Variants in FBXO42 observed in about 807,000 individuals in gnomAD.
FBXO42 encodes F-box protein 42.
In FBXO42, 12 loss-of-function variants were observed where a neutral mutation model predicts 71.7. The observed-to-expected ratio is 0.17, with a 90% CI of 0.11 to 0.27. The LOEUF is 0.27. Ranked by LOEUF, FBXO42 falls within the 10% of genes least tolerant of loss-of-function variation. FBXO42 has a pLI of 1.00. For synonymous variants in FBXO42, 325 were observed against 327.5 expected, an observed-to-expected ratio of 0.99 and a Z score of 0.08; for missense variants, 707 against 911.9, an observed-to-expected ratio of 0.78 and a Z score of 2.89.
chr1:16,259,773 AAAAAAAAGAAAGAAAG>A (rs1184382967), intron 4 of FBXO42, among the ~76,000 whole-genome samples: 3 of 151,874 alleles, frequency 2.0e-5, no homozygotes, highest in African/African-American at 7.2e-5. Context: ...CTCAAAAAAA[AAAAAAAAGAAAGAAAG>A]AAAAAAAAGA....
chr1:16,297,775 G>C (rs543050955), intron 3 of FBXO42, among the ~76,000 whole-genome samples: 49 of 151,010 alleles, frequency 3.2e-4, no homozygotes, highest in Non-Finnish European at 5.2e-4. Context: ...GCTGAGGCAA[G>C]AGACTGGCAT....
intron 1 of FBXO42, among the ~76,000 whole-genome samples, chr1:16,351,906 G>C (rs974956547): frequency 6.6e-6 from 1 of 152,172 alleles, no homozygotes; most frequent in Non-Finnish European, 1.5e-5. Context: ...TCTCGCAAAG[G>C]AGTGAAATGT....
intron 2 of FBXO42, among the ~76,000 whole-genome samples, chr1:16,312,323 A>G (rs548420761): frequency 6.6e-6 from 1 of 152,188 alleles, no homozygotes; most frequent in East Asian, 1.9e-4. Context: ...AATCGCACCA[A>G]TGCACTCCAG....
chr1:16,269,405 G>C (rs2081814480), intron 4 of FBXO42, among the ~76,000 whole-genome samples: 1 of 143,068 alleles, frequency 7.0e-6, no homozygotes, highest in African/African-American at 2.6e-5. Flanking sequence ...TTTTTTTTAA[G>C]AGAGTATCAC....
intron 4 of FBXO42, among the ~76,000 whole-genome samples, chr1:16,286,144 C>T (rs1434889358): frequency 2.0e-5 from 3 of 152,100 alleles, no homozygotes; most frequent in Admixed American, 2.0e-4. Context: ...GCTGATTTTA[C>T]AGGCGTGAGC....
intron 3 of FBXO42, 149 bp downstream of exon 3, chr1:16,305,654 T>C: frequency 1.5e-6 from 1 of 671,478 alleles, no homozygotes; most frequent in South Asian, 1.7e-5. Flanking sequence ...GTGGAGGCTG[T>C]AGTAAGCTGT....
chr1:16,292,181 A>G (rs927295013), intron 4 of FBXO42: 9 of 152,268 alleles, frequency 5.9e-5, no homozygotes, highest in African/African-American at 2.2e-4. Flanking sequence ...TTAAAAATTC[A>G]TATTCCATAG....
chr1:16,273,725 A>G (rs936775756), intron 4 of FBXO42, among the ~76,000 whole-genome samples: 2 of 152,052 alleles, frequency 1.3e-5, no homozygotes, highest in Admixed American at 1.3e-4. Flanking sequence ...ACAAAAATAC[A>G]AAAATTAACC....
intron 2 of FBXO42, among the ~76,000 whole-genome samples, chr1:16,307,989 AAGG>A (rs1453846148): frequency 1.3e-5 from 2 of 152,214 alleles, no homozygotes; most frequent in African/African-American, 2.4e-5. Context: ...GAAAACATGG[AAGG>A]AGGAGAACAA....
intron 1 of FBXO42, among the ~76,000 whole-genome samples, chr1:16,334,144 T>C (rs967155492): frequency 6.6e-5 from 10 of 152,112 alleles, no homozygotes; most frequent in Non-Finnish European, 1.3e-4. Flanking sequence ...CATTTAAGAC[T>C]GATTCTAGGC....
chr1:16,281,654 CTT>C (rs2081965417), intron 4 of FBXO42, among the ~76,000 whole-genome samples: 5 of 148,144 alleles, frequency 3.4e-5, no homozygotes, highest in African/African-American at 9.9e-5. Flanking sequence ...TTTTCTTTTT[CTT>C]TTTCTTTCTT....
At chr1:16,308,494 C>CTTTTT (rs71003268) in intron 2 of FBXO42, among the ~76,000 whole-genome samples, 4 of 126,726 alleles carry the variant, frequency 3.2e-5, no homozygotes, top group African/African-American at 5.8e-5. Flanking sequence ...ACCCATCTCT[C>CTTTTT]TTTTTTTTTT....
chr1:16,329,933 A>C (rs1333441646), intron 1 of FBXO42, among the ~76,000 whole-genome samples: 1 of 152,082 alleles, frequency 6.6e-6, no homozygotes, highest in East Asian at 1.9e-4. Context: ...TGGGAAACAG[A>C]GCAAGATACC....
intron 2 of FBXO42, among the ~76,000 whole-genome samples, chr1:16,310,690 C>T (rs1450590375): frequency 6.6e-6 from 1 of 152,034 alleles, no homozygotes; most frequent in Non-Finnish European, 1.5e-5. Flanking sequence ...ATCCAAAGAA[C>T]TCTTAAAACT....
At position 16,285,601 on chromosome 1, in the gene FBXO42, A is replaced by G. The variant is rs116193267; in HGVS notation, c.502+9182T>C. ...TTCCCATTTTCTAAAATGTATTACA[A>G]ACTGGCTTCCATCTTTATCACTCAC... On this transcript the variant is annotated intron_variant, in intron 4 of 9. Coordinates refer to ENST00000375592, the MANE Select transcript of FBXO42 (RefSeq NM_018994.3). Among the ~76,000 whole-genome samples, 906 of 152,246 alleles carry G rather than the reference A, an allele frequency of 6.0e-3. 7 individuals are homozygous for G. Among genetic ancestry groups the G allele is most frequent in the African/African-American group, 0.021 (871 of 41,560 alleles).
rs748168388 is a variant in FBXO42 at position 16,247,541 on chromosome 1, T to TTCC, written c.*3126_*3128dup. 7.2e-5 allele frequency: 10 copies of TTCC among 138,252 alleles called. No homozygotes were observed. Among genetic ancestry groups the TTCC allele is most frequent in the East Asian group, 2.0e-4 (1 of 4,950 alleles). The allele number at this position is 138,252 out of a possible 1,614,324, so 8.6% of individuals were successfully genotyped here. A position where few individuals can be genotyped will look rare whatever the true frequency, so the allele number is the denominator to read the frequency against. On this transcript the variant is annotated 3_prime_UTR_variant, in exon 10 of 10. Coordinates refer to ENST00000375592, the MANE Select transcript of FBXO42 (RefSeq NM_018994.3). ...AGGCTTCTTAAGTTGGTTTTCTTTC[T>TTCC]TCCTCCTCCTCCTCCTCTTTTCTTT...
At chr1:16,311,190 A>C (rs12184261) in intron 2 of FBXO42, among the ~76,000 whole-genome samples, 1 of 147,520 alleles carries the variant, frequency 6.8e-6, no homozygotes, top group Non-Finnish European at 1.5e-5. Flanking sequence ...AAAAAAAAAA[A>C]GGGGGTCAAA....
At chr1:16,269,248 C>T (rs888041920) in intron 4 of FBXO42, among the ~76,000 whole-genome samples, 9 of 150,314 alleles carry the variant, frequency 6.0e-5, no homozygotes, top group African/African-American at 2.0e-4. Context: ...ATATCATACC[C>T]GCCTAATTTT....
At chr1:16,301,302 T>G (rs1296669217) in intron 3 of FBXO42, among the ~76,000 whole-genome samples, 1 of 152,176 alleles carries the variant, frequency 6.6e-6, no homozygotes, top group Admixed American at 6.6e-5. Flanking sequence ...TCCACAAAAA[T>G]TATTAGGTAT....
Sources: allele counts gnomAD v4.1 joint callset (sites outside exome capture counted in the v4.1 genomes callset), GRCh38; gene constraint gnomAD v4.1.1; transcripts MANE v1.5; gene names NCBI Gene and HGNC (gene_info 2026-07-23, HGNC 2026-07-21).